The following DPP6 variants were observed in gnomAD, a reference collection of about 807,000 sequenced individuals.
DPP6 encodes A-type potassium channel modulatory protein DPP6.
In DPP6, 69 loss-of-function variants were observed where a neutral mutation model predicts 122.6. That is an observed-to-expected ratio of 0.56 (90% CI 0.46 to 0.69). The LOEUF (loss-of-function observed/expected upper bound fraction) is 0.69. Among genes scored for constraint, DPP6 ranks in the 30% least tolerant of loss-of-function variants. DPP6 has a pLI of 0.00. For synonymous variants in DPP6, 418 were observed against 433.1 expected, an observed-to-expected ratio of 0.97 and a Z score of 0.43; for missense variants, 928 against 1,116.9, an observed-to-expected ratio of 0.83 and a Z score of 2.41.
intron 1 of DPP6, among the ~76,000 whole-genome samples, chr7:154,156,816 TGAA>T (rs1196144415): frequency 1.3e-5 from 2 of 152,202 alleles, no homozygotes; most frequent in Non-Finnish European, 2.9e-5. Flanking sequence ...CCATGAATGT[TGAA>T]GAATTGTGTC....
At chr7:153,989,348 TGA>T (rs1327415253) in intron 1 of DPP6, among the ~76,000 whole-genome samples, 247 of 150,688 alleles carry the variant, frequency 1.6e-3, no homozygotes, top group African/African-American at 3.9e-3. Context: ...TGCAAGTGTG[TGA>T]GTGTGGGGGA....
chr7:154,783,629 A>G (rs1797162025), intron 10 of DPP6, among the ~76,000 whole-genome samples: 3 of 152,170 alleles, frequency 2.0e-5, no homozygotes, highest in Non-Finnish European at 1.5e-5. Context: ...GTGTTCTGGC[A>G]TTATAACGTT....
intron 5 of DPP6, among the ~76,000 whole-genome samples, chr7:154,574,743 GTA>G (rs1202146730): frequency 1.4e-5 from 2 of 143,366 alleles, no homozygotes; most frequent in East Asian, 4.4e-4. Flanking sequence ...TGTGGTGTGT[GTA>G]TGTGTGTTGT....
chr7:154,237,299 A>G (rs950450838), intron 1 of DPP6, among the ~76,000 whole-genome samples: 2 of 152,232 alleles, frequency 1.3e-5, no homozygotes, highest in African/African-American at 2.4e-5. Flanking sequence ...TGGAAATAAA[A>G]TGAAGGGGGA....
intron 1 of DPP6, among the ~76,000 whole-genome samples, chr7:154,383,444 A>G (rs994640764): frequency 1.3e-5 from 2 of 152,350 alleles, no homozygotes; most frequent in East Asian, 1.9e-4. Flanking sequence ...TAATATGAGA[A>G]TATTTTCACC....
intron 1 of DPP6, among the ~76,000 whole-genome samples, chr7:154,174,825 C>A (rs762146286): frequency 2.0e-4 from 30 of 151,858 alleles, no homozygotes; most frequent in Non-Finnish European, 3.2e-4. Flanking sequence ...CTTCTCTTAC[C>A]CTCTTTGTTA....
At chr7:154,201,057 T>C (rs1193060247) in intron 1 of DPP6, among the ~76,000 whole-genome samples, 1 of 152,170 alleles carries the variant, frequency 6.6e-6, no homozygotes, top group Admixed American at 6.5e-5. Flanking sequence ...CGTGGTCAAG[T>C]TTCCTAATCA....
intron 16 of DPP6, among the ~76,000 whole-genome samples, chr7:154,817,626 T>C (rs1799502195): frequency 6.6e-6 from 1 of 152,208 alleles, no homozygotes; most frequent in African/African-American, 2.4e-5. Context: ...ATGAACATCA[T>C]GAGTGAATGA....
chr7:154,637,025 G>A (rs1037224311), intron 5 of DPP6, among the ~76,000 whole-genome samples: 2 of 152,138 alleles, frequency 1.3e-5, no homozygotes, highest in South Asian at 4.1e-4. Context: ...CCGTATGTTC[G>A]ACAAGGTCTC....
intron 1 of DPP6, among the ~76,000 whole-genome samples, chr7:154,348,749 A>C (rs1810602916): frequency 6.6e-6 from 1 of 152,228 alleles, no homozygotes; most frequent in Non-Finnish European, 1.5e-5. Flanking sequence ...AAAAGGACTA[A>C]TATCCTTAAT....
intron 8 of DPP6, among the ~76,000 whole-genome samples, chr7:154,763,195 G>T (rs1795669763): frequency 6.6e-6 from 1 of 152,194 alleles, no homozygotes; most frequent in African/African-American, 2.4e-5. Flanking sequence ...AGCTGGGTGT[G>T]GTGGCGGGTG....
chr7:154,642,656 T>C (rs1198332727), intron 6 of DPP6, among the ~76,000 whole-genome samples: 2 of 151,750 alleles, frequency 1.3e-5, no homozygotes, highest in Non-Finnish European at 2.9e-5. Flanking sequence ...TTAAATGGAA[T>C]GGCTGGGTGT....
chr7:154,730,531 T>C (rs985046003), intron 8 of DPP6, among the ~76,000 whole-genome samples: 1 of 152,198 alleles, frequency 6.6e-6, no homozygotes, highest in Non-Finnish European at 1.5e-5. Context: ...ACAATAATTA[T>C]GTATTTATTA....
intron 1 of DPP6, among the ~76,000 whole-genome samples, chr7:154,018,221 T>C (rs1388668651): frequency 6.6e-5 from 10 of 151,834 alleles, no homozygotes; most frequent in African/African-American, 2.2e-4. Context: ...TTCTTTGGAA[T>C]TGATCATGAA....
chr7:154,837,105 A>T (rs561916985), intron 16 of DPP6, among the ~76,000 whole-genome samples: 2 of 152,316 alleles, frequency 1.3e-5, no homozygotes, highest in Admixed American at 1.3e-4. Flanking sequence ...ACACACCTGC[A>T]TGCACACACA....
intron 6 of DPP6, among the ~76,000 whole-genome samples, chr7:154,646,801 G>C (rs887411727): frequency 6.6e-6 from 1 of 152,136 alleles, no homozygotes; most frequent in Non-Finnish European, 1.5e-5. Context: ...GGCGAAAGAG[G>C]CTGCACCAAC....
At chr7:154,597,135 C>T (rs537356531) in intron 5 of DPP6, among the ~76,000 whole-genome samples, 1 of 149,308 alleles carries the variant, frequency 6.7e-6, no homozygotes, top group South Asian at 2.1e-4. Context: ...GATTTGAGTA[C>T]AGTGAGAGAG....
In DPP6 at chr7:154,734,399, C is replaced by G. The variant is rs538218923; in HGVS notation, c.883+6512C>G. Among the ~76,000 whole-genome samples the G allele has an allele frequency of 9.2e-5, 14 of 152,334 alleles. 1 individual carries two copies. The South Asian group carries it at 2.9e-3, about 32-fold the overall frequency. On this transcript the variant is annotated intron_variant, in intron 8 of 25. Transcript: ENST00000377770. Reference sequence around the variant, plus strand: ...CAAATATTAACTGCCTCTGAAGCACCTGGCTAGGGCACTTCAACTGCTAGC... The same window carrying G: ...CAAATATTAACTGCCTCTGAAGCACGTGGCTAGGGCACTTCAACTGCTAGC...
At chr7:153,874,567 C>A in the DPP6 span, among the ~76,000 whole-genome samples, 2 of 151,966 alleles carry the variant, frequency 1.3e-5, no homozygotes, top group African/African-American at 4.8e-5. Context: ...GTAAAGACAG[C>A]ATTTCACTGC....
Sources: gnomAD v4.1 joint callset for allele counts (sites outside exome capture counted in the v4.1 genomes callset) on GRCh38, gnomAD v4.1.1 for gene constraint, MANE v1.5 for transcripts, NCBI Gene and HGNC (gene_info 2026-07-23, HGNC 2026-07-21) for gene names.